PLS3: variants seen among roughly 807,000 people sequenced by gnomAD.
The protein encoded by PLS3 is plastin-3.
In PLS3, 11 loss-of-function variants were observed where a neutral mutation model predicts 46.5. The observed-to-expected ratio is 0.24, with a 90% CI of 0.15 to 0.39. PLS3 has a LOEUF of 0.39. PLS3 is among the 10% of genes least tolerant of loss of function. The probability of loss-of-function intolerance (pLI) is 1.00; values close to 1 mark genes in which losing one functional copy is unlikely to be tolerated. For synonymous variants in PLS3, 167 were observed against 162.2 expected (o/e 1.03, Z -0.22); for missense variants, 308 against 461.8 (o/e 0.67, Z 3.05).
intron 1 of PLS3, among the ~76,000 whole-genome samples, chrX:115,573,050 G>A (rs1254812442): frequency 5.2e-5 from 5 of 95,375 alleles, no homozygotes; most frequent in African/African-American, 1.2e-4. Context: ...CCGGGATTGC[G>A]CCATTGCACT....
chrX:115,609,940 A>G (rs1339684832), intron 1 of PLS3, among the ~76,000 whole-genome samples: 1 of 112,031 alleles, frequency 8.9e-6, no homozygotes, highest in South Asian at 3.7e-4. Context: ...AAGAATTTCT[A>G]TTATGTAGCT....
chrX:115,638,457 C>T (rs1400837039), intron 8 of PLS3, among the ~76,000 whole-genome samples: 1 of 110,381 alleles, frequency 9.1e-6, no homozygotes, highest in East Asian at 2.9e-4. Context: ...GTTGCCCAGG[C>T]TGGACTCAAG....
chrX:115,615,953 A>AG (rs1432607695), intron 2 of PLS3, among the ~76,000 whole-genome samples: 1 of 112,214 alleles, frequency 8.9e-6, no homozygotes, highest in African/African-American at 3.2e-5. Context: ...ACCAATGTAT[A>AG]GTTAATGAGA....
intron 15 of PLS3, among the ~76,000 whole-genome samples, chrX:115,649,189 G>T (rs1305713022): frequency 9.0e-6 from 1 of 111,317 alleles, no homozygotes; most frequent in Non-Finnish European, 1.9e-5. Flanking sequence ...TCACATTGGA[G>T]AAAAAGAGTG....
chrX:115,602,634 C>G (rs1029033375), intron 1 of PLS3, among the ~76,000 whole-genome samples: 1 of 111,659 alleles, frequency 9.0e-6, no homozygotes, highest in Non-Finnish European at 1.9e-5. Context: ...ACTGTTCACA[C>G]ATAATGGTGG....
intron 11 of PLS3, among the ~76,000 whole-genome samples, chrX:115,645,772 T>C (rs979596164): frequency 9.0e-6 from 1 of 111,558 alleles, no homozygotes; most frequent in African/African-American, 3.3e-5. Flanking sequence ...CCGTATTGTT[T>C]GTTTATCCAT....
intron 1 of PLS3, among the ~76,000 whole-genome samples, chrX:115,566,565 AT>A (rs2074174658): frequency 9.2e-6 from 1 of 108,742 alleles, no homozygotes; most frequent in Non-Finnish European, 1.9e-5. Flanking sequence ...GTTTTTTTGT[AT>A]TTTTAGTAGA....
chrX:115,567,631 A>C (rs28575750), intron 1 of PLS3, among the ~76,000 whole-genome samples: 8,191 of 109,336 alleles, frequency 0.075, 785 homozygotes, highest in African/African-American at 0.26. Context: ...ACAAAAAAAA[A>C]CAGAAAATGT....
intron 2 of PLS3, among the ~76,000 whole-genome samples, chrX:115,617,156 T>A (rs2074606228): frequency 9.0e-6 from 1 of 111,435 alleles, no homozygotes; most frequent in Non-Finnish European, 1.9e-5. Flanking sequence ...CTCAGTTTGC[T>A]CTGGAGGGTG....
At chrX:115,606,217 A>G (rs1215368527) in intron 1 of PLS3, among the ~76,000 whole-genome samples, 1 of 75,821 alleles carries the variant, frequency 1.3e-5, no homozygotes, top group Non-Finnish European at 2.3e-5. Context: ...GGCTCACTGC[A>G]GCCTCGACCT....
chrX:115,587,131 G>A (rs1603224050), intron 1 of PLS3, among the ~76,000 whole-genome samples: 1 of 112,320 alleles, frequency 8.9e-6, no homozygotes, highest in Admixed American at 9.5e-5. Flanking sequence ...GCAGTAGTGG[G>A]TAAAGCTGCT....
chrX:115,583,030 ACT>A (rs2074287904), intron 1 of PLS3, among the ~76,000 whole-genome samples: 1 of 111,373 alleles, frequency 9.0e-6, no homozygotes, highest in Non-Finnish European at 1.9e-5. Context: ...ACAGAGGGAG[ACT>A]CTGTCTTTAA....
chrX:115,591,872 C>T (rs1266934132), intron 1 of PLS3, among the ~76,000 whole-genome samples: 3 of 112,271 alleles, frequency 2.7e-5, no homozygotes, highest in African/African-American at 9.7e-5. Context: ...CAAAGACAGA[C>T]GGAAAAACAT....
intron 1 of PLS3, among the ~76,000 whole-genome samples, chrX:115,596,052 C>T (rs2074385976): frequency 8.9e-6 from 1 of 111,945 alleles, no homozygotes; most frequent in African/African-American, 3.2e-5. Flanking sequence ...AAAACTGCTT[C>T]TGAAAAGGTT....
At chrX:115,563,857 C>T (rs1455385303) in intron 1 of PLS3, among the ~76,000 whole-genome samples, 3 of 111,910 alleles carry the variant, frequency 2.7e-5, no homozygotes, top group Non-Finnish European at 5.6e-5. Flanking sequence ...TAGATAGACC[C>T]CTCTAGTGGA....
intron 10 of PLS3, among the ~76,000 whole-genome samples, chrX:115,643,959 A>G (rs370898719): frequency 5.4e-5 from 6 of 111,791 alleles, no homozygotes; most frequent in African/African-American, 1.9e-4. Flanking sequence ...GCAACAGAGT[A>G]AGACTCCATC....
chrX:115,638,031 A>G (rs1447943227), intron 8 of PLS3, among the ~76,000 whole-genome samples: 1 of 110,006 alleles, frequency 9.1e-6, no homozygotes, highest in African/African-American at 3.3e-5. Context: ...TGCAGCCTTT[A>G]CCTCCCAAGC....
rs1556640859 is a variant in PLS3 at position 115,640,437 on chromosome X, T to A, written c.921T>A (p.Asn307Lys). Residue 307 changes from asparagine (N) to lysine (K), a missense_variant, in exon 9 of 16, where the codon AAT becomes AAA. Physicochemically the swap from Asn to Lys is moderately conservative, Grantham distance 94 (BLOSUM62 0). This residue lies in a region of PLS3 where 271 missense variants were observed against 435.7 expected (regional missense o/e 0.62). Coordinates refer to ENST00000355899, the MANE Select transcript of PLS3 (RefSeq NM_005032.7). ...CCAAAGCCTATTTCCATCTTCTCAA[T>A]CAAATCGCACCAAAAGGACAAAAGG... The part of the protein sequence containing the change: ...KDSKAYFHLL[N>K]QIAPKGQKEG... The A allele has an allele frequency of 1.7e-6, 2 of 1,194,869 alleles. No homozygotes were observed. The highest frequency in any genetic ancestry group is 1.1e-6 in the Non-Finnish European group (1 of 880,489).
intron 3 of PLS3, among the ~76,000 whole-genome samples, chrX:115,622,810 G>A (rs1556637838): frequency 9.0e-6 from 1 of 111,376 alleles, no homozygotes; most frequent in African/African-American, 3.3e-5. Flanking sequence ...AGCTTCCTGA[G>A]CTGAACTTTC....
Sources: gnomAD v4.1 joint callset for allele counts (sites outside exome capture counted in the v4.1 genomes callset) on GRCh38, gnomAD v4.1.1 for gene constraint, gnomAD v4.1.1 regional missense constraint, MANE v1.5 for transcripts, NCBI Gene and HGNC (gene_info 2026-07-23, HGNC 2026-07-21) for gene names.